Variants in ARHGEF9 observed in about 807,000 individuals in gnomAD.
ARHGEF9 encodes Cdc42 guanine nucleotide exchange factor 9.
ARHGEF9 carries 2 observed loss-of-function variants against 41.3 expected under a neutral mutation model. The ratio of observed to expected loss-of-function variants is 0.05; its 90% CI spans 0.02 to 0.15. The LOEUF (loss-of-function observed/expected upper bound fraction) is 0.15, where lower values mean the gene tolerates loss of function less well. ARHGEF9 is among the 10% of genes least tolerant of loss of function. The probability of loss-of-function intolerance (pLI) is 1.00; values close to 1 mark genes in which losing one functional copy is unlikely to be tolerated. For missense variants in ARHGEF9, 225 were observed against 424.7 expected (o/e 0.53, Z 4.13); for synonymous variants, 160 against 154.4 (o/e 1.04, Z -0.27).
At position 63,758,835 on chromosome X, in the gene ARHGEF9, A is replaced by C. The variant is rs1556448462; in HGVS notation, c.30+26281T>G. ...TGTATTGTATTTTTTTCTTGTTTGT[A>C]TCCTTTACTGGACTGTGAAGCTAGG... On this transcript the variant is annotated intron_variant, in intron 1 of 9. Transcript: ENST00000671741. Among the ~76,000 whole-genome samples the C allele has an allele frequency of 1.8e-5, 2 of 111,946 alleles. 1 individual carries two copies.
chrX:63,662,973 C>G (rs2049307570), intron 7 of ARHGEF9, among the ~76,000 whole-genome samples: 1 of 111,768 alleles, frequency 8.9e-6, no homozygotes, highest in Non-Finnish European at 1.9e-5. Context: ...TTTCAGTGCT[C>G]TGGGATGTAT....
chrX:63,713,126 G>T (rs1267019307), intron 2 of ARHGEF9: 1 of 111,844 alleles, frequency 8.9e-6, no homozygotes, highest in Non-Finnish European at 1.9e-5. Context: ...AGAAGAGAAT[G>T]GGTAAGCGGT....
At chrX:63,766,773 T>A (rs1192122834) in intron 1 of ARHGEF9, 3 of 222,382 alleles carry the variant, frequency 1.3e-5, no homozygotes, top group Non-Finnish European at 2.5e-5. Context: ...CTATCTCCCA[T>A]CTTGTGTCTC....
intron 1 of ARHGEF9, chrX:63,767,497 A>G (rs868912506): frequency 3.4e-4 from 87 of 255,766 alleles, no homozygotes; most frequent in Middle Eastern, 1.3e-3. Flanking sequence ...AGCTGTTTTC[A>G]GTTTTTGCTT....
chrX:63,762,122 A>T (rs1429124164), intron 1 of ARHGEF9, among the ~76,000 whole-genome samples: 1 of 110,713 alleles, frequency 9.0e-6, no homozygotes, highest in Non-Finnish European at 1.9e-5. Context: ...GGATAATTCC[A>T]CTCCTGAGCC....
At chrX:63,672,679 G>A (rs1465189032) in intron 6 of ARHGEF9, among the ~76,000 whole-genome samples, 2 of 111,180 alleles carry the variant, frequency 1.8e-5, no homozygotes, top group African/African-American at 3.3e-5. Flanking sequence ...GGGAAGTTGG[G>A]GAGATGCTCC....
At chrX:63,640,029 A>C (rs2047524418) in intron 9 of ARHGEF9, 1 of 111,967 alleles carries the variant, frequency 8.9e-6, no homozygotes, top group Non-Finnish European at 1.9e-5. Context: ...TAGATGGAAT[A>C]AGTTCTAGTG....
chrX:63,692,483 G>T (rs1324312015), intron 4 of ARHGEF9, among the ~76,000 whole-genome samples: 2 of 112,250 alleles, frequency 1.8e-5, no homozygotes, highest in Non-Finnish European at 3.8e-5. Flanking sequence ...AATCATCAGG[G>T]AAATGCAAAT....
At chrX:63,668,973 A>G (rs1556352006) in intron 6 of ARHGEF9, among the ~76,000 whole-genome samples, 2 of 112,235 alleles carry the variant, frequency 1.8e-5, no homozygotes, top group Non-Finnish European at 3.8e-5. Flanking sequence ...CTAAGGTGAG[A>G]ATCTCAAAAG....
intron 1 of ARHGEF9, among the ~76,000 whole-genome samples, chrX:63,750,827 C>T (rs781837207): frequency 9.9e-5 from 11 of 111,450 alleles, no homozygotes; most frequent in East Asian, 5.6e-4. Context: ...CATAGCTGGA[C>T]GAGGCTAGGC....
chrX:63,669,307 C>T (rs1280059749), intron 6 of ARHGEF9, among the ~76,000 whole-genome samples: 10 of 112,089 alleles, frequency 8.9e-5, no homozygotes, highest in African/African-American at 3.2e-4. Flanking sequence ...TTTGCTCACA[C>T]TGTTCCCTCT....
rs2055255862 is a variant in ARHGEF9, at chrX:63,746,079, G to A, written c.31-21368C>T. Reference sequence around the variant, plus strand: ...TGGGAAGGGCCTTGATCAAGATCTGGCAGCAAGGTAGGTACAGAGCCAGGG... The same window carrying A: ...TGGGAAGGGCCTTGATCAAGATCTGACAGCAAGGTAGGTACAGAGCCAGGG... On this transcript the variant is annotated intron_variant, in intron 1 of 9. Transcript: ENST00000671741. Among the ~76,000 whole-genome samples the A allele has an allele frequency of 4.5e-5, 5 of 112,086 alleles. No individual in the cohort carries two copies. In the Admixed American group the frequency reaches 4.7e-4, roughly 11 times the overall value.
chrX:63,703,861 A>T (rs1268728662), intron 3 of ARHGEF9, among the ~76,000 whole-genome samples: 8 of 111,636 alleles, frequency 7.2e-5, no homozygotes, highest in Middle Eastern at 4.6e-3. Context: ...GGAGCTGAGG[A>T]TGGGAGCCAT....
At chrX:63,706,498 G>C in intron 2 of ARHGEF9, 49 bp from the exon 3 acceptor site, 1 of 1,143,138 alleles carries the variant, frequency 8.7e-7, no homozygotes, top group Non-Finnish European at 1.2e-6. Flanking sequence ...CCTTCTTTGG[G>C]AGGTTTCCAG....
intron 1 of ARHGEF9, chrX:63,754,867 G>C (rs2055867360): frequency 2.1e-6 from 2 of 936,759 alleles, no homozygotes; most frequent in Admixed American, 1.2e-4. Context: ...ATTCTCTCTC[G>C]GGCGCCACGG....
intron 6 of ARHGEF9, among the ~76,000 whole-genome samples, chrX:63,667,291 T>A (rs1482417824): frequency 9.0e-6 from 1 of 111,695 alleles, no homozygotes; most frequent in Non-Finnish European, 1.9e-5. Context: ...GCCCAACTAG[T>A]TAGCTACAGG....
At position 63,678,585 on chromosome X, in the gene ARHGEF9, A is replaced by G. The variant is rs782050281; in HGVS notation, c.583-13T>C. 6.2e-5 allele frequency: 71 copies of G among 1,143,668 alleles called. No homozygotes were observed. Among genetic ancestry groups the G allele is most frequent in the Non-Finnish European group, 8.3e-5 (70 of 844,986 alleles). 94.3% of individuals were successfully genotyped at this position (1,143,668 alleles called of 1,213,427 possible). On this transcript the variant is annotated splice_polypyrimidine_tract_variant and intron_variant, in intron 4 of 9. Transcript: ENST00000671741. The stretch of plus-strand genomic sequence containing the variant: ...AGAATCCATCTTGCTGTGGGAAAAG[A>G]AAAAAAGGAAAGGAAAAGTCTACCA...
intron 2 of ARHGEF9, among the ~76,000 whole-genome samples, chrX:63,710,370 A>C (rs1167104356): frequency 9.1e-6 from 1 of 110,099 alleles, no homozygotes. Flanking sequence ...CATTTAAAAA[A>C]TAACTAACAT....
At chrX:63,647,465 C>T (rs1318640898) in intron 8 of ARHGEF9, among the ~76,000 whole-genome samples, 2 of 111,555 alleles carry the variant, frequency 1.8e-5, no homozygotes, top group African/African-American at 6.5e-5. Context: ...TGTCAAAGGC[C>T]TTTTCTGCAT....
Sources: gnomAD v4.1 joint callset for allele counts (sites outside exome capture counted in the v4.1 genomes callset) on GRCh38, gnomAD v4.1.1 for gene constraint, MANE v1.5 for transcripts, NCBI Gene and HGNC (gene_info 2026-07-23, HGNC 2026-07-21) for gene names.